CLUAP1: variants seen among roughly 807,000 people sequenced by gnomAD.
The protein encoded by CLUAP1 is intraflagellar transport 38.
In CLUAP1, 50 loss-of-function variants were observed where a neutral mutation model predicts 55.0. That is an observed-to-expected ratio of 0.91 (90% CI 0.72 to 1.15). The LOEUF is 1.15. Among genes scored for constraint, CLUAP1 ranks in the 50% most tolerant of loss-of-function variants. CLUAP1 has a pLI of 0.00. For missense variants in CLUAP1, 530 were observed against 507.6 expected (o/e 1.04, Z -0.42); for synonymous variants, 195 against 175.4 (o/e 1.11, Z -0.88).
chr16:3,497,883 C>T (rs1234606698), upstream of CLUAP1, among the ~76,000 whole-genome samples: 2 of 152,010 alleles, frequency 1.3e-5, no homozygotes, highest in Admixed American at 6.6e-5. Context: ...TCTTGAACTC[C>T]TGGGCTCAAG....
intron 3 of CLUAP1, among the ~76,000 whole-genome samples, chr16:3,507,559 C>CA (rs59370795): frequency 2.2e-3 from 254 of 115,046 alleles, no homozygotes; most frequent in East Asian, 4.6e-3. Flanking sequence ...GACCCTATCT[C>CA]AAAAAAAAAA....
chr16:3,534,164 A>G (rs2038185352), intron 11 of CLUAP1: 1 of 152,176 alleles, frequency 6.6e-6, no homozygotes, highest in Non-Finnish European at 1.5e-5. Flanking sequence ...CACCCCAGCA[A>G]TAATGATGGA....
chr16:3,501,641 G>A (rs1330937222), intron 1 of CLUAP1, among the ~76,000 whole-genome samples: 2 of 152,290 alleles, frequency 1.3e-5, no homozygotes, highest in East Asian at 3.9e-4. Context: ...AATTAGCCGG[G>A]GGTGGTGGCG....
chr16:3,520,753 A>G lies in CLUAP1; in HGVS notation c.713+717A>G, dbSNP rs186234500. ...GATTTTAGACTTTATTTAAACCTTG[A>G]TCATTCCTCACCAGTCAGTAATTCA... is the stretch of plus-strand genomic sequence containing the variant. On this transcript the variant is annotated intron_variant, in intron 7 of 11. Transcript: ENST00000576634. Among the ~76,000 whole-genome samples, 144 of 152,268 alleles carry G rather than the reference A, an allele frequency of 9.5e-4. 1 individual carries two copies. In the Middle Eastern group the frequency reaches 0.027, roughly 29 times the overall value.
upstream of CLUAP1, chr16:3,500,895 C>T: frequency 1.5e-6 from 1 of 683,052 alleles, no homozygotes; most frequent in South Asian, 1.8e-5. Context: ...TCTGCCGGCC[C>T]GCTCTCCCCG....
At chr16:3,500,076 G>A (rs937949397), upstream of CLUAP1, among the ~76,000 whole-genome samples, 2 of 152,246 alleles carry the variant, frequency 1.3e-5, no homozygotes, top group Non-Finnish European at 2.9e-5. Context: ...CGGCTGCTGT[G>A]CCACGCCTGG....
chr16:3,530,845 C>T (rs1282023903), intron 10 of CLUAP1, among the ~76,000 whole-genome samples, 170 bp downstream of exon 10: 2 of 152,192 alleles, frequency 1.3e-5, no homozygotes, highest in South Asian at 2.1e-4. Context: ...GGCTCTTGAA[C>T]TGCTCAGTGG....
At chr16:3,518,362 A>C (rs1324482559) in intron 6 of CLUAP1, among the ~76,000 whole-genome samples, 1 of 152,228 alleles carries the variant, frequency 6.6e-6, no homozygotes, top group Admixed American at 6.5e-5. Context: ...GACATCTCTT[A>C]AGACTCCTTT....
chr16:3,518,292 C>T (rs937007424), intron 6 of CLUAP1, among the ~76,000 whole-genome samples: 4 of 152,230 alleles, frequency 2.6e-5, no homozygotes, highest in African/African-American at 9.6e-5. Context: ...TGAATGTGCC[C>T]TTAGCACTAA....
chr16:3,512,613 A>C (rs1473799959), intron 5 of CLUAP1, 135 bp downstream of exon 5: 1 of 603,844 alleles, frequency 1.7e-6, no homozygotes, highest in Non-Finnish European at 2.9e-6. Context: ...GAAAGGTGAT[A>C]GAGGATATTA....
intron 4 of CLUAP1, among the ~76,000 whole-genome samples, chr16:3,511,231 G>A (rs1465638997): frequency 1.3e-5 from 2 of 152,224 alleles, no homozygotes; most frequent in African/African-American, 2.4e-5. Context: ...GAAAATGAGA[G>A]CCAGAAGGTG....
upstream of CLUAP1, among the ~76,000 whole-genome samples, chr16:3,500,617 C>T (rs1317071636): frequency 1.3e-5 from 2 of 152,146 alleles, no homozygotes; most frequent in African/African-American, 4.8e-5. Context: ...GTGATCCGCC[C>T]GCCTCGGCAT....
chr16:3,506,424 A>G lies in CLUAP1; in HGVS notation c.219+9A>G, dbSNP rs1204699131. 5 of 1,603,300 alleles carry G rather than the reference A, an allele frequency of 3.1e-6. No individual in the cohort carries two copies. In the African/African-American group the frequency reaches 5.4e-5, roughly 17 times the overall value. ...CAATTGCCCAGTTCATGGTTAGTGG[A>G]CACTTATTTTGTGGAGTTGTAAAAT... On this transcript the variant is annotated intron_variant, in intron 3 of 11. Coordinates refer to ENST00000576634, the MANE Select transcript of CLUAP1 (RefSeq NM_015041.3).
At position 3,529,736 on chromosome 16, in the gene CLUAP1, AT is replaced by A. The variant is rs1480751644; in HGVS notation, c.929-830del. Among the ~76,000 whole-genome samples the A allele has an allele frequency of 1.9e-3, 46 of 24,030 alleles. 3 individuals are homozygous for A. Among genetic ancestry groups the A allele is most frequent in the Admixed American group, 7.7e-3 (9 of 1,166 alleles). 15.8% of individuals were successfully genotyped at this position (24,030 alleles called of 152,430 possible). On this transcript the variant is annotated intron_variant, in intron 9 of 11. Coordinates refer to ENST00000576634, the MANE Select transcript of CLUAP1 (RefSeq NM_015041.3). ...TATAATATTATATATTATATATATTATTATATATTATATATTATATAATATA... is the reference window on the plus strand; with the variant it reads ...TATAATATTATATATTATATATATTATATATATTATATATTATATAATATA...
chr16:3,536,186 A>G lies in CLUAP1; in HGVS notation c.1157A>G (p.Asp386Gly). Residue 386 changes from aspartate (D) to glycine (G), a missense_variant, in exon 12 of 12, where the codon GAC becomes GGC. Asp to Gly is a moderately conservative substitution (Grantham distance 94, BLOSUM62 -1). Coordinates refer to ENST00000576634, the MANE Select transcript of CLUAP1 (RefSeq NM_015041.3). The stretch of plus-strand genomic sequence containing the variant: ...GATGACGAGGATGACGATTTGGAAG[A>G]CGAGAGCATTTCTCTCTCACCAACC... ...DDDDEDDDLE[D>G]ESISLSPTKP... 1 of 1,614,196 alleles carries G rather than the reference A, an allele frequency of 6.2e-7. No individual in the cohort carries two copies. Among genetic ancestry groups the G allele is most frequent in the Admixed American group, 1.7e-5 (1 of 60,022 alleles).
At chr16:3,533,744 A>G (rs2038175877) in intron 11 of CLUAP1, 1 of 154,588 alleles carries the variant, frequency 6.5e-6, no homozygotes, top group Non-Finnish European at 1.4e-5. Flanking sequence ...CCCTGAATTT[A>G]CAGGGCACAG....
intron 6 of CLUAP1, among the ~76,000 whole-genome samples, chr16:3,516,423 C>T (rs2037730312): frequency 6.6e-6 from 1 of 152,112 alleles, no homozygotes; most frequent in South Asian, 2.1e-4. Context: ...GAGTCAGAGC[C>T]TCACAGCGGG....
rs1168418675 is a variant in CLUAP1 at position 3,508,368 on chromosome 16, T to C, written c.299T>C (p.Ile100Thr). 14 of 1,609,686 alleles carry C rather than the reference T, an allele frequency of 8.7e-6. No homozygotes were observed. Among genetic ancestry groups the C allele is most frequent in the Non-Finnish European group, 1.2e-5 (14 of 1,179,006 alleles). ...TATGCGGTAAAAGAGCTGCTGAAGA[T>C]CACATCTGTCCTTTATAATGCTATG... ...DGYAVKELLKITSVLYNAMKT... is the reference protein window; with the variant it reads ...DGYAVKELLKTTSVLYNAMKT... Residue 100 changes from isoleucine to threonine, a missense_variant, in exon 4 of 12, where the codon ATC becomes ACC. Coordinates refer to ENST00000576634, the MANE Select transcript of CLUAP1 (RefSeq NM_015041.3).
At chr16:3,509,765 G>C (rs1032341315) in intron 4 of CLUAP1, 1 of 152,342 alleles carries the variant, frequency 6.6e-6, no homozygotes, top group Non-Finnish European at 1.5e-5. Context: ...TGTGAGGCCT[G>C]CTAGGTGAGG....
Sources: allele counts gnomAD v4.1 joint callset (sites outside exome capture counted in the v4.1 genomes callset), GRCh38; gene constraint gnomAD v4.1.1; transcripts MANE v1.5; gene names NCBI Gene and HGNC (gene_info 2026-07-23, HGNC 2026-07-21).